The following ARFGEF3 variants were observed in gnomAD, a reference collection of about 807,000 sequenced individuals.
ARFGEF3 encodes brefeldin A-inhibited guanine nucleotide-exchange protein 3.
A neutral mutation model predicts 221.7 loss-of-function variants in ARFGEF3; 96 were observed. That is an observed-to-expected ratio of 0.43 (90% CI 0.37 to 0.51). The LOEUF (loss-of-function observed/expected upper bound fraction) is 0.51. ARFGEF3 is among the 20% of genes least tolerant of loss of function. The pLI, the probability that ARFGEF3 is intolerant of heterozygous loss-of-function variation, is 0.00. For synonymous variants in ARFGEF3, 1,145 were observed against 1,126.8 expected (o/e 1.02, Z -0.32); for missense variants, 2,410 against 2,789.9 (o/e 0.86, Z 3.07).
chr6:138,280,195 C>T (rs370907101), intron 14 of ARFGEF3, 31 bp downstream of exon 14: 35 of 1,607,838 alleles, frequency 2.2e-5, no homozygotes, highest in African/African-American at 2.7e-5. Flanking sequence ...CCTTGGGGCA[C>T]GTGGTAGGGT....
chr6:138,338,698 GCC>G lies in ARFGEF3; in HGVS notation c.*2213_*2214del, dbSNP rs946168824. 5 of 151,862 alleles carry G rather than the reference GCC, an allele frequency of 3.3e-5. No individual in the cohort carries two copies. The highest frequency in any genetic ancestry group is 1.2e-4 in the African/African-American group (5 of 41,244). 9.4% of individuals were successfully genotyped at this position (151,862 alleles called of 1,614,324 possible). Reference sequence around the variant, plus strand: ...ACCTGTAATCCCAGCTACTTAGGAGGCCGAGACAGGAGAATCGCTCGAACCCA... The same window carrying G: ...ACCTGTAATCCCAGCTACTTAGGAGGGAGACAGGAGAATCGCTCGAACCCA... On this transcript the variant is annotated 3_prime_UTR_variant, in exon 34 of 34. Transcript: ENST00000251691.
chr6:138,212,032 C>T (rs995827213), intron 4 of ARFGEF3, among the ~76,000 whole-genome samples: 1 of 152,060 alleles, frequency 6.6e-6, no homozygotes, highest in Non-Finnish European at 1.5e-5. Context: ...TTCCAAAATG[C>T]TTAAAAAGAT....
chr6:138,274,020 A>G (rs986631376), intron 12 of ARFGEF3, among the ~76,000 whole-genome samples: 16 of 152,166 alleles, frequency 1.1e-4, no homozygotes, highest in Admixed American at 6.5e-5. Flanking sequence ...AGTCTTTCCT[A>G]TTGGGTGTCT....
rs747099029 is a variant in ARFGEF3 at position 138,194,989 on chromosome 6, A to ATTTTTTTTT, written c.138-12030_138-12022dup. ...TCAAACTAACTTCACCTTTTCCCTA[A>ATTTTTTTTT]TTTTTTTTTTTTTTTTTTTTTTTTT... On this transcript the variant is annotated intron_variant, in intron 2 of 33. Transcript: ENST00000251691. Among the ~76,000 whole-genome samples, 85 of 84,120 alleles carry ATTTTTTTTT rather than the reference A, an allele frequency of 1.0e-3. 10 individuals are homozygous for ATTTTTTTTT. Among genetic ancestry groups the ATTTTTTTTT allele is most frequent in the African/African-American group, 4.0e-3 (70 of 17,396 alleles). 55.2% of individuals were successfully genotyped at this position (84,120 alleles called of 152,430 possible).
At chr6:138,314,680 G>A (rs1424321537) in intron 26 of ARFGEF3, among the ~76,000 whole-genome samples, 1 of 152,166 alleles carries the variant, frequency 6.6e-6, no homozygotes, top group Non-Finnish European at 1.5e-5. Context: ...TTCTAAAGGG[G>A]GAGAAATAGG....
intron 5 of ARFGEF3, among the ~76,000 whole-genome samples, chr6:138,233,809 C>A (rs1022930989): frequency 1.3e-5 from 2 of 152,160 alleles, no homozygotes; most frequent in Non-Finnish European, 2.9e-5. Flanking sequence ...ATCTATTTAT[C>A]TCGGAAGCAC....
In ARFGEF3 at chr6:138,333,966, GAAGCGTGTCTTTCAGGGA is replaced by G. The variant is rs1455202865; in HGVS notation, c.5124-1_5140del. 6.2e-7 allele frequency: 1 copy of G among 1,601,026 alleles called. No homozygotes were observed. ...TTAATCGAGCCCTCTCTTTTCACTT[GAAGCGTGTCTTTCAGGGA>G]AATTGTGGTGAGCCTGCTGTCTCAT... On this transcript the variant is annotated splice_acceptor_variant and splice_polypyrimidine_tract_variant and coding_sequence_variant and intron_variant, in exon 33 of 34. Transcript: ENST00000251691. LOFTEE classifies it high-confidence loss of function.
intron 20 of ARFGEF3, among the ~76,000 whole-genome samples, chr6:138,294,456 C>A (rs1371014679): frequency 6.6e-6 from 1 of 152,210 alleles, no homozygotes; most frequent in Non-Finnish European, 1.5e-5. Context: ...GAGGGTGGAG[C>A]TTTTCTGCGT....
chr6:138,263,636 T>C (rs536287719), intron 12 of ARFGEF3, 25 bp downstream of exon 12: 10 of 1,562,348 alleles, frequency 6.4e-6, no homozygotes, highest in Non-Finnish European at 8.6e-6. Flanking sequence ...CTCTGCTGTA[T>C]AGTCAACAAG....
At chr6:138,175,481 A>T (rs548659451) in intron 2 of ARFGEF3, among the ~76,000 whole-genome samples, 28 of 152,322 alleles carry the variant, frequency 1.8e-4, no homozygotes, top group Admixed American at 5.2e-4. Context: ...ACACCGAAGA[A>T]GCCATCGATA....
intron 12 of ARFGEF3, among the ~76,000 whole-genome samples, chr6:138,268,418 G>A (rs1333910215): frequency 2.0e-5 from 3 of 152,010 alleles, no homozygotes; most frequent in African/African-American, 2.4e-5. Context: ...CTGCTTTCTC[G>A]GCTGAATCAC....
intron 3 of ARFGEF3, among the ~76,000 whole-genome samples, chr6:138,208,781 T>C (rs967550758): frequency 6.6e-6 from 1 of 152,186 alleles, no homozygotes. Flanking sequence ...TGTATGTTAA[T>C]ATCAGACCAC....
chr6:138,294,261 T>G (rs1779467564), intron 20 of ARFGEF3, 135 bp downstream of exon 20: 1 of 933,736 alleles, frequency 1.1e-6, no homozygotes. Context: ...AGCCCAAGTA[T>G]AGATTTGTCT....
chr6:138,251,076 C>G (rs376278197), intron 8 of ARFGEF3, among the ~76,000 whole-genome samples: 1 of 152,176 alleles, frequency 6.6e-6, no homozygotes, highest in Non-Finnish European at 1.5e-5. Flanking sequence ...CCGCAACCCA[C>G]GGAAAAGCTG....
rs536243827 is a variant in ARFGEF3, at chr6:138,216,797, T to A, written c.351+6756T>A. On this transcript the variant is annotated intron_variant, in intron 4 of 33. Coordinates refer to ENST00000251691, the MANE Select transcript of ARFGEF3 (RefSeq NM_020340.5). ...TGATGAAAAATATTTAACTCCTGAA[T>A]GTGTCGTTGTTGGAGGTTGATCTAA... The A allele has an allele frequency of 5.3e-5, 8 of 152,362 alleles. No individual in the cohort carries two copies. In the South Asian group the frequency reaches 1.7e-3, roughly 32 times the overall value. The allele number at this position is 152,362 out of a possible 1,614,324, so 9.4% of individuals were successfully genotyped here.
At chr6:138,253,382 G>A (rs1778614074) in intron 8 of ARFGEF3, among the ~76,000 whole-genome samples, 1 of 152,008 alleles carries the variant, frequency 6.6e-6, no homozygotes, top group Non-Finnish European at 1.5e-5. Context: ...CATAAACTGA[G>A]TACCTTAAAC....
At chr6:138,313,607 C>G (rs548435428) in intron 25 of ARFGEF3, among the ~76,000 whole-genome samples, 188 bp from the exon 26 acceptor site, 20 of 152,262 alleles carry the variant, frequency 1.3e-4, no homozygotes, top group Non-Finnish European at 2.1e-4. Context: ...TATGCTATTT[C>G]ATCTGCTTCA....
rs751275946 is a variant in ARFGEF3 at position 138,308,744 on chromosome 6, G to A, written c.3979G>A (p.Gly1327Ser). Residue 1327 changes from glycine to serine, a missense_variant, in exon 24 of 34, where the codon GGC (glycine) becomes AGC (serine). Physicochemically the swap from Gly to Ser is moderately conservative, Grantham distance 56. This residue lies in a region of ARFGEF3 where 723 missense variants were observed against 991.9 expected (regional missense o/e 0.73). Coordinates refer to ENST00000251691, the MANE Select transcript of ARFGEF3 (RefSeq NM_020340.5). ...CTATAATCTTCCTCCCTTAGGAAAA[G>A]GCCAAGCTCCAGTGTTTGATGTATT... ...YLVGDYSMGK[G>S]QAPVFDVFEA... 37 of 1,613,960 alleles carry A rather than the reference G, an allele frequency of 2.3e-5. No homozygotes were observed. In the East Asian group the frequency reaches 7.8e-4, roughly 34 times the overall value.
chr6:138,199,328 T>A (rs1198067944), intron 2 of ARFGEF3, among the ~76,000 whole-genome samples: 1 of 152,226 alleles, frequency 6.6e-6, no homozygotes, highest in African/African-American at 2.4e-5. Flanking sequence ...AGTTATTTGA[T>A]AAATGGCTTA....
Sources: allele counts gnomAD v4.1 joint callset (sites outside exome capture counted in the v4.1 genomes callset), GRCh38; gene constraint gnomAD v4.1.1; regional missense constraint gnomAD v4.1.1; transcripts MANE v1.5; gene names NCBI Gene and HGNC (gene_info 2026-07-23, HGNC 2026-07-21).